The following SLC2A13 variants were observed in gnomAD, a reference collection of about 807,000 sequenced individuals.
The protein encoded by SLC2A13 is solute carrier family 2 member 13.
Under a neutral mutation model 64.4 loss-of-function variants are expected in SLC2A13, and 32 were observed. The ratio of observed to expected loss-of-function variants is 0.50; its 90% confidence interval spans 0.37 to 0.67. SLC2A13 has a LOEUF of 0.67. SLC2A13 is among the 30% of genes least tolerant of loss of function. The pLI is 0.00. For synonymous variants in SLC2A13, 338 were observed against 327.1 expected, an observed-to-expected ratio of 1.03 and a Z score of -0.36; for missense variants, 743 against 829.2, an observed-to-expected ratio of 0.90 and a Z score of 1.28.
At chr12:39,904,081 G>A (rs1945206254) in intron 4 of SLC2A13, among the ~76,000 whole-genome samples, 1 of 152,086 alleles carries the variant, frequency 6.6e-6, no homozygotes, top group Non-Finnish European at 1.5e-5. Context: ...CAGAGCAAAG[G>A]TCACAGGTTC....
chr12:39,851,355 T>C (rs995332732), intron 6 of SLC2A13, among the ~76,000 whole-genome samples: 30 of 152,202 alleles, frequency 2.0e-4, no homozygotes, highest in Non-Finnish European at 2.9e-5. Flanking sequence ...ATAAAAATCA[T>C]ATTAGGCTGA....
At chr12:39,796,446 TAAAC>T (rs1941579187) in intron 7 of SLC2A13, among the ~76,000 whole-genome samples, 1 of 141,960 alleles carries the variant, frequency 7.0e-6, no homozygotes, top group Non-Finnish European at 1.5e-5. Context: ...AAAAAAAACC[TAAAC>T]AAACAAAAAA....
intron 7 of SLC2A13, among the ~76,000 whole-genome samples, chr12:39,793,871 C>A (rs1941485127): frequency 6.6e-6 from 1 of 152,050 alleles, no homozygotes; most frequent in Admixed American, 6.6e-5. Context: ...CAAATGGGAA[C>A]TTTAACTCTG....
intron 6 of SLC2A13, among the ~76,000 whole-genome samples, chr12:39,841,414 A>C (rs1417693751): frequency 1.3e-5 from 2 of 152,158 alleles, no homozygotes; most frequent in Non-Finnish European, 2.9e-5. Context: ...AGGAAGAAAA[A>C]GAGAGCTGTA....
chr12:39,755,567 T>C lies in SLC2A13; in HGVS notation c.*4459A>G, dbSNP rs1428418992. On this transcript the variant is annotated 3_prime_UTR_variant, in exon 10 of 10. Transcript: ENST00000280871. The stretch of plus-strand genomic sequence containing the variant: ...TTTGGCTAGAGTTGTCTCTTCTTTT[T>C]TAACCTTTAAATGAGATGGAATAAT... 2 of 152,108 alleles carry C rather than the reference T, an allele frequency of 1.3e-5. No individual in the cohort carries two copies. Among genetic ancestry groups the C allele is most frequent in the Non-Finnish European group, 1.5e-5 (1 of 67,918 alleles). The allele number at this position is 152,108 out of a possible 1,614,324, so 9.4% of individuals were successfully genotyped here. A position where few individuals can be genotyped will look rare whatever the true frequency, so the allele number is the denominator to read the frequency against.
intron 4 of SLC2A13, among the ~76,000 whole-genome samples, chr12:39,887,377 A>T (rs983965280): frequency 6.6e-6 from 1 of 152,208 alleles, no homozygotes; most frequent in African/African-American, 2.4e-5. Flanking sequence ...GAGCACAGCC[A>T]GTCCTACAGC....
intron 1 of SLC2A13, among the ~76,000 whole-genome samples, chr12:40,099,544 G>A (rs1939077177): frequency 6.6e-6 from 1 of 152,084 alleles, no homozygotes; most frequent in Admixed American, 6.5e-5. Context: ...TCCATAAGAG[G>A]GCAAAATGGA....
chr12:39,786,096 G>C (rs1447445987), intron 7 of SLC2A13, among the ~76,000 whole-genome samples: 1 of 152,126 alleles, frequency 6.6e-6, no homozygotes, highest in Non-Finnish European at 1.5e-5. Flanking sequence ...TTTGAAATGT[G>C]AGGACATGAG....
intron 4 of SLC2A13, among the ~76,000 whole-genome samples, chr12:39,895,726 G>A (rs1426348769): frequency 7.8e-6 from 1 of 127,694 alleles, no homozygotes; most frequent in Non-Finnish European, 1.7e-5. Flanking sequence ...ATGTATATGC[G>A]TGTATACGTA....
At chr12:39,931,034 T>G (rs557785991) in intron 4 of SLC2A13, among the ~76,000 whole-genome samples, 1 of 152,334 alleles carries the variant, frequency 6.6e-6, no homozygotes, top group Non-Finnish European at 1.5e-5. Flanking sequence ...CTAATAAATA[T>G]GTTAATAAAT....
chr12:39,817,038 A>G (rs1426392044), intron 7 of SLC2A13, among the ~76,000 whole-genome samples: 1 of 150,022 alleles, frequency 6.7e-6, no homozygotes, highest in Non-Finnish European at 1.5e-5. Flanking sequence ...GCCTTGAGGG[A>G]AAAAAAAAAT....
intron 4 of SLC2A13, among the ~76,000 whole-genome samples, chr12:39,879,529 GA>G (rs1944288933): frequency 6.6e-6 from 1 of 152,208 alleles, no homozygotes; most frequent in East Asian, 1.9e-4. Context: ...AGATTATTTT[GA>G]AGCTTTAATA....
chr12:39,923,745 A>C (rs964199463), intron 4 of SLC2A13, among the ~76,000 whole-genome samples: 1 of 149,978 alleles, frequency 6.7e-6, no homozygotes, highest in Non-Finnish European at 1.5e-5. Context: ...CACGATAAAA[A>C]ATTTTTCAGA....
intron 7 of SLC2A13, among the ~76,000 whole-genome samples, chr12:39,824,817 C>A (rs1942625635): frequency 6.6e-6 from 1 of 151,422 alleles, no homozygotes; most frequent in Admixed American, 6.6e-5. Context: ...ACAGAAACTG[C>A]AAGGAAAAAG....
Position 39,900,866 on chromosome 12 carries a change from A to T in SLC2A13, c.1035-28905T>A, listed in dbSNP as rs554520380. On this transcript the variant is annotated intron_variant, in intron 4 of 9. Coordinates refer to ENST00000280871, the MANE Select transcript of SLC2A13 (RefSeq NM_052885.4). Reference sequence around the variant, plus strand: ...TAAAGTTCATATGCAACCAAAAAAGATCCCGCATCGCCAAGTCAATCCTAA... The same window carrying T: ...TAAAGTTCATATGCAACCAAAAAAGTTCCCGCATCGCCAAGTCAATCCTAA... Among the ~76,000 whole-genome samples the T allele has an allele frequency of 7.0e-4, 107 of 152,344 alleles. 1 individual carries two copies. Among genetic ancestry groups the T allele is most frequent in the African/African-American group, 2.5e-3 (105 of 41,588 alleles).
At chr12:40,035,545 G>A (rs1474889663) in intron 2 of SLC2A13, among the ~76,000 whole-genome samples, 1 of 152,184 alleles carries the variant, frequency 6.6e-6, no homozygotes, top group Non-Finnish European at 1.5e-5. Flanking sequence ...ATGGCAGCTA[G>A]AGAATAAACA....
At chr12:39,952,366 T>C (rs1187835028) in intron 3 of SLC2A13, among the ~76,000 whole-genome samples, 1 of 152,098 alleles carries the variant, frequency 6.6e-6, no homozygotes, top group African/African-American at 2.4e-5. Flanking sequence ...TTAATTAGAG[T>C]CCAAGTTTTG....
At chr12:39,861,859 A>G (rs1943768261) in intron 6 of SLC2A13, among the ~76,000 whole-genome samples, 1 of 151,916 alleles carries the variant, frequency 6.6e-6, no homozygotes, top group Non-Finnish European at 1.5e-5. Flanking sequence ...AGCAGATCTA[A>G]AAGGTGTTTT....
intron 4 of SLC2A13, among the ~76,000 whole-genome samples, chr12:39,904,349 C>T (rs1945211991): frequency 6.6e-6 from 1 of 152,062 alleles, no homozygotes; most frequent in African/African-American, 2.4e-5. Flanking sequence ...CCACTCTTGC[C>T]ATTTAGGAAA....
Sources: allele counts gnomAD v4.1 joint callset (sites outside exome capture counted in the v4.1 genomes callset), GRCh38; gene constraint gnomAD v4.1.1; transcripts MANE v1.5; gene names NCBI Gene and HGNC (gene_info 2026-07-23, HGNC 2026-07-21).